Variants in SRGAP1 observed in about 807,000 individuals in gnomAD.
SRGAP1 encodes SLIT-ROBO Rho GTPase-activating protein 1.
SRGAP1 carries 43 observed loss-of-function variants against 121.9 expected under a neutral mutation model. That is an observed-to-expected ratio of 0.35 (90% confidence interval 0.28 to 0.46). The LOEUF is 0.46. SRGAP1 is among the 20% of genes least tolerant of loss of function. SRGAP1 has a pLI of 1.00. For missense variants in SRGAP1, 1,102 were observed against 1,350.9 expected (o/e 0.82, Z 2.89); for synonymous variants, 447 against 485.4 (o/e 0.92, Z 1.04).
At chr12:64,052,798 C>T (rs1204118389) in intron 6 of SRGAP1, among the ~76,000 whole-genome samples, 2 of 152,072 alleles carry the variant, frequency 1.3e-5, no homozygotes, top group Non-Finnish European at 1.5e-5. Flanking sequence ...GTACAGAGTT[C>T]AGAGTAATCT....
At chr12:64,142,200 TG>T in intron 21 of SRGAP1, 94 bp from the exon 22 acceptor site, 1 of 1,327,872 alleles carries the variant, frequency 7.5e-7, no homozygotes, top group Non-Finnish European at 1.0e-6. Flanking sequence ...CATACTCTGC[TG>T]GGCCGTTTAC....
chr12:64,102,866 GA>G (rs1417266953), intron 15 of SRGAP1, among the ~76,000 whole-genome samples: 2 of 152,182 alleles, frequency 1.3e-5, no homozygotes, highest in Non-Finnish European at 2.9e-5. Context: ...TTGAAGTGAT[GA>G]AAATGCTCTA....
chr12:64,062,208 T>C (rs1460201468), intron 6 of SRGAP1, among the ~76,000 whole-genome samples: 2 of 152,176 alleles, frequency 1.3e-5, no homozygotes, highest in African/African-American at 4.8e-5. Context: ...GTCTTATTGA[T>C]TGCAGCCATC....
Position 64,128,064 on chromosome 12 carries a change from A to T in SRGAP1, c.2744A>T (p.His915Leu). 6.2e-7 allele frequency: 1 copy of T among 1,614,166 alleles called. No homozygotes were observed. Among genetic ancestry groups the T allele is most frequent in the South Asian group, 1.1e-5 (1 of 91,070 alleles). ...DSPERRRRPG[H>L]GSLTNISRHD... ...CCTGAGCGGAGGCGCAGGCCTGGCCATGGCAGCCTGACCAACATCAGCCGG... is the reference window on the plus strand; with the variant it reads ...CCTGAGCGGAGGCGCAGGCCTGGCCTTGGCAGCCTGACCAACATCAGCCGG... The change falls in exon 21 of 22, where the codon CAT (histidine) becomes CTT (leucine). Residue 915 changes from histidine to leucine, a missense_variant. Physicochemically the swap from His to Leu is moderately conservative, Grantham distance 99 (BLOSUM62 -3). Around this residue, in one of 3 missense-constraint regions of SRGAP1, gnomAD observed 315 missense variants for 343.1 expected, o/e 0.92. Coordinates refer to ENST00000355086, the MANE Select transcript of SRGAP1 (RefSeq NM_020762.4).
At chr12:64,101,308 G>GGTGTGTGTGT (rs59020353) in intron 15 of SRGAP1, among the ~76,000 whole-genome samples, 2,435 of 138,052 alleles carry the variant, frequency 0.018, 35 homozygotes, top group Non-Finnish European at 0.017. Flanking sequence ...TGGGGAAAGG[G>GGTGTGTGTGT]GTGTGTGTGT....
At chr12:64,041,359 TTTTATTTA>T (rs537809038) in intron 4 of SRGAP1, among the ~76,000 whole-genome samples, 87 of 85,810 alleles carry the variant, frequency 1.0e-3, no homozygotes, top group Middle Eastern at 6.7e-3. Flanking sequence ...TGGCATTTTA[TTTTATTTA>T]TTTATTTATT....
At chr12:63,906,060 A>G (rs73113977) in intron 1 of SRGAP1, among the ~76,000 whole-genome samples, 19,707 of 151,960 alleles carry the variant, frequency 0.13, 1,356 homozygotes, top group Middle Eastern at 0.21. Context: ...TCCCACCCCA[A>G]CCCTAGGCAA....
At position 64,146,602 on chromosome 12, in the gene SRGAP1, C is replaced by G. The variant is rs1403068171; in HGVS notation, c.*3930C>G. 4 of 152,126 alleles carry G rather than the reference C, an allele frequency of 2.6e-5. No individual in the cohort carries two copies. The highest frequency in any genetic ancestry group is 9.7e-5 in the African/African-American group (4 of 41,430). 9.4% of individuals were successfully genotyped at this position (152,126 alleles called of 1,614,324 possible). ...GATGCTCATTGATTCCTGACCATAGCAGTGAGAGGCCATTTTTTGTGCAGG... is the reference window on the plus strand; with the variant it reads ...GATGCTCATTGATTCCTGACCATAGGAGTGAGAGGCCATTTTTTGTGCAGG... On this transcript the variant is annotated 3_prime_UTR_variant, in exon 22 of 22. Coordinates refer to ENST00000355086, the MANE Select transcript of SRGAP1 (RefSeq NM_020762.4).
chr12:64,047,743 T>C (rs57477949), intron 6 of SRGAP1, among the ~76,000 whole-genome samples: 64,588 of 151,684 alleles, frequency 0.43, 14,853 homozygotes, highest in Non-Finnish European at 0.53. Context: ...AGAAAAGTCA[T>C]AAATTTTCCG....
chr12:63,926,074 A>G (rs2031250510), intron 1 of SRGAP1, among the ~76,000 whole-genome samples: 1 of 152,166 alleles, frequency 6.6e-6, no homozygotes, highest in Admixed American at 6.6e-5. Flanking sequence ...CAAATCCGCA[A>G]TTTAATTTCA....
chr12:63,956,777 T>TGTA (rs1468622476), intron 1 of SRGAP1, among the ~76,000 whole-genome samples: 1 of 146,540 alleles, frequency 6.8e-6, no homozygotes, highest in Non-Finnish European at 1.5e-5. Flanking sequence ...TACACTTTAC[T>TGTA]ATTTCCAGTG....
intron 1 of SRGAP1, among the ~76,000 whole-genome samples, chr12:63,910,608 T>C (rs908074937): frequency 6.6e-6 from 1 of 152,164 alleles, no homozygotes; most frequent in Non-Finnish European, 1.5e-5. Context: ...CATGGTACTT[T>C]AGAGGGGAAA....
chr12:63,956,081 G>A (rs112732365), intron 1 of SRGAP1, among the ~76,000 whole-genome samples: 7 of 152,022 alleles, frequency 4.6e-5, no homozygotes, highest in Non-Finnish European at 7.4e-5. Context: ...TTTTTTTTGA[G>A]ACAGGGTCTA....
intron 1 of SRGAP1, among the ~76,000 whole-genome samples, chr12:63,929,505 T>C (rs900132015): frequency 1.3e-5 from 2 of 152,000 alleles, no homozygotes; most frequent in Non-Finnish European, 2.9e-5. Flanking sequence ...TGGGTTCCAT[T>C]CCTGGGGTTT....
intron 15 of SRGAP1, among the ~76,000 whole-genome samples, chr12:64,104,782 A>G (rs1459059576): frequency 6.6e-6 from 1 of 152,132 alleles, no homozygotes; most frequent in Non-Finnish European, 1.5e-5. Flanking sequence ...GAGAATGTAC[A>G]TCTGCCTCAT....
Position 63,894,453 on chromosome 12 carries a change from C to T in SRGAP1, c.67+49570C>T, listed in dbSNP as rs1900686310. On this transcript the variant is annotated intron_variant, in intron 1 of 21. Coordinates refer to ENST00000355086, the MANE Select transcript of SRGAP1 (RefSeq NM_020762.4). ...TTGTAGCATCCTACCCCAAATGCTC[C>T]TTCAGGTAGCTCACTCTCTTTTTTT... is the stretch of plus-strand genomic sequence containing the variant. Among the ~76,000 whole-genome samples the T allele has an allele frequency of 1.3e-5, 2 of 151,868 alleles. 1 individual carries two copies. Among genetic ancestry groups the T allele is most frequent in the South Asian group, 4.2e-4 (2 of 4,814 alleles).
At chr12:63,935,992 A>T (rs1370557612) in intron 1 of SRGAP1, among the ~76,000 whole-genome samples, 2 of 152,240 alleles carry the variant, frequency 1.3e-5, no homozygotes, top group African/African-American at 4.8e-5. Context: ...GGTGGAAGAT[A>T]ATATTCCAAA....
chr12:63,924,041 C>T (rs548097409), intron 1 of SRGAP1, among the ~76,000 whole-genome samples: 2 of 152,040 alleles, frequency 1.3e-5, no homozygotes, highest in East Asian at 1.9e-4. Context: ...CTTGAGAGGC[C>T]AAGGCAGGAG....
intron 1 of SRGAP1, among the ~76,000 whole-genome samples, chr12:63,868,065 TTTTTTTTTTTTTTG>T (rs1565927663): frequency 5.9e-5 from 6 of 101,318 alleles, no homozygotes; most frequent in Admixed American, 1.1e-4. Context: ...TATTTTTTTT[TTTTTTTTTTTTTTG>T]TTTTTTTTTT....
Sources: allele counts gnomAD v4.1 joint callset (sites outside exome capture counted in the v4.1 genomes callset), GRCh38; gene constraint gnomAD v4.1.1; regional missense constraint gnomAD v4.1.1; transcripts MANE v1.5; gene names NCBI Gene and HGNC (gene_info 2026-07-23, HGNC 2026-07-21).